ANKRD24: variants seen among roughly 807,000 people sequenced by gnomAD.
ANKRD24 encodes the protein ankyrin repeat domain-containing protein 24.
ANKRD24 carries 109 observed loss-of-function variants against 127.8 expected under a neutral mutation model. The ratio of observed to expected loss-of-function variants is 0.85; its 90% CI spans 0.73 to 1.00. ANKRD24 has a LOEUF of 1.00. ANKRD24 is among the 50% of genes least tolerant of loss of function. The pLI is 0.00. For synonymous variants in ANKRD24, 743 were observed against 671.1 expected, an observed-to-expected ratio of 1.11 and a Z score of -1.66; for missense variants, 1,648 against 1,570.2, an observed-to-expected ratio of 1.05 and a Z score of -0.84.
intron 19 of ANKRD24, among the ~76,000 whole-genome samples, chr19:4,220,193 G>T (rs559896515): frequency 1.6e-4 from 25 of 152,156 alleles, no homozygotes; most frequent in African/African-American, 5.8e-4. Context: ...GGCTGGTCTC[G>T]AACTCCTGAG....
At chr19:4,223,093 G>T (rs146950615) in intron 20 of ANKRD24, among the ~76,000 whole-genome samples, 1 of 151,770 alleles carries the variant, frequency 6.6e-6, no homozygotes, top group South Asian at 2.1e-4. Context: ...TTACAGGCAC[G>T]CACCACCACA....
Position 4,217,202 on chromosome 19 carries a change from G to A in ANKRD24, c.2042G>A (p.Gly681Glu), listed in dbSNP as rs1970147845. The A allele has an allele frequency of 1.2e-6, 2 of 1,608,858 alleles. No homozygotes were observed. The highest frequency in any genetic ancestry group is 1.3e-5 in the African/African-American group (1 of 74,946). Residue 681 changes from glycine (G) to glutamate (E), a missense_variant, in exon 18 of 22, where the codon GGG becomes GAG. Coordinates refer to ENST00000318934, the MANE Select transcript of ANKRD24 (RefSeq NM_001393985.1). ...NMEATGSRATGMESTGVSATG... is the reference protein window; with the variant it reads ...NMEATGSRATEMESTGVSATG... Reference sequence around the variant, plus strand: ...GAGGCCACGGGCTCTAGGGCCACAGGGATGGAATCCACAGGAGTCAGTGCC... The same window carrying A: ...GAGGCCACGGGCTCTAGGGCCACAGAGATGGAATCCACAGGAGTCAGTGCC...
chr19:4,198,821 CAGAT>C lies in ANKRD24; in HGVS notation c.37-861_37-858del, dbSNP rs1252743518. 6.6e-6 allele frequency among the ~76,000 whole-genome samples: 1 copy of C among 152,104 alleles called. No individual in the cohort carries two copies. Among genetic ancestry groups the C allele is most frequent in the Non-Finnish European group, 1.5e-5 (1 of 68,022 alleles). ...CAGTTTTGGGAAAACATTTTGGAGACAGATGGGGTCATTGAGGGGACAACTTGGA... is the reference window on the plus strand; with the variant it reads ...CAGTTTTGGGAAAACATTTTGGAGACGGGGTCATTGAGGGGACAACTTGGA... On this transcript the variant is annotated intron_variant, in intron 2 of 21. Coordinates refer to ENST00000318934, the MANE Select transcript of ANKRD24 (RefSeq NM_001393985.1). The surrounding 1 kb of genome is among the most constrained non-coding windows in gnomAD (Gnocchi z 6.1).
rs764743451 is a variant in ANKRD24, at chr19:4,210,096, G to A, written c.909G>A (p.Lys303=). 6.2e-7 allele frequency: 1 copy of A among 1,612,628 alleles called. No homozygotes were observed. Among genetic ancestry groups the A allele is most frequent in the South Asian group, 1.1e-5 (1 of 90,776 alleles). The change falls in exon 12 of 22, where the codon AAG becomes AAA. Residue 303 remains lysine, a synonymous_variant. Coordinates refer to ENST00000318934, the MANE Select transcript of ANKRD24 (RefSeq NM_001393985.1). ...GCCATGGAAAGCAGGGGGCCCCCAA[G>A]AAGCGGAAGGCGCCTCCACCTCCCG... ...MSSHGKQGAP[K]KRKAPPPPAS...
chr19:4,212,445 C>G, intron 13 of ANKRD24, 30 bp from the exon 14 acceptor site: 1 of 1,572,988 alleles, frequency 6.4e-7, no homozygotes, highest in Non-Finnish European at 8.6e-7. Flanking sequence ...TTGCCCAGAT[C>G]CAAACCCCTG....
At chr19:4,207,473 C>G in intron 8 of ANKRD24, 28 bp from the exon 9 acceptor site, 1 of 1,605,966 alleles carries the variant, frequency 6.2e-7, no homozygotes, top group Non-Finnish European at 8.5e-7. Context: ...GTTTCTCATG[C>G]CATCGCATCC....
intron 2 of ANKRD24, among the ~76,000 whole-genome samples, chr19:4,193,846 A>AGGGAG (rs113209299): frequency 0.012 from 616 of 51,516 alleles, 51 homozygotes; most frequent in African/African-American, 0.018. Flanking sequence ...GGAGGGAGGG[A>AGGGAG]GGAAGGAAGG....
At chr19:4,189,139 A>T (rs1304243588) in intron 2 of ANKRD24, among the ~76,000 whole-genome samples, 1 of 151,170 alleles carries the variant, frequency 6.6e-6, no homozygotes, top group Non-Finnish European at 1.5e-5. Flanking sequence ...ACTATTTATT[A>T]ATTATCATGT....
rs781160387 is a variant in ANKRD24 at position 4,216,765 on chromosome 19, G to A, written c.1605G>A (p.Thr535=). 1.3e-5 allele frequency: 21 copies of A among 1,588,870 alleles called. 1 individual carries two copies. The highest frequency in any genetic ancestry group is 9.4e-5 in the African/African-American group (7 of 74,200). Residue 535 remains threonine, a synonymous_variant, in exon 18 of 22, where the codon ACG becomes ACA. Transcript: ENST00000318934. ...GGGAGAGTGAGGTTGCTGGAGCCAC[G>A]GCCACCAAAAACGGGCCAACCCACA... ...ACGESEVAGA[T]ATKNGPTHME...
At chr19:4,197,983 G>T (rs75253620) in intron 2 of ANKRD24, among the ~76,000 whole-genome samples, 2 of 152,374 alleles carry the variant, frequency 1.3e-5, no homozygotes, top group East Asian at 3.9e-4. Flanking sequence ...ACGAATGGGC[G>T]AACGAATGAA....
chr19:4,212,028 G>A (rs1416647170), intron 13 of ANKRD24, among the ~76,000 whole-genome samples: 5 of 151,932 alleles, frequency 3.3e-5, no homozygotes, highest in African/African-American at 4.8e-5. Context: ...GTGAAACCCC[G>A]TCTCTACTAA....
In ANKRD24 at chr19:4,195,435, GC is replaced by G. The variant is rs1442395383; in HGVS notation, c.37-4245del. 3.9e-5 allele frequency among the ~76,000 whole-genome samples: 6 copies of G among 152,146 alleles called. No homozygotes were observed. The highest frequency in any genetic ancestry group is 2.1e-4 in the South Asian group (1 of 4,836). ...GTGTAGGAGACAGTTGGAAACTGAAGCCCTGAGCTGGGAGATCCGTTTCGGT... is the reference window on the plus strand; with the variant it reads ...GTGTAGGAGACAGTTGGAAACTGAAGCCTGAGCTGGGAGATCCGTTTCGGT... On this transcript the variant is annotated intron_variant, in intron 2 of 21. Coordinates refer to ENST00000318934, the MANE Select transcript of ANKRD24 (RefSeq NM_001393985.1). The surrounding 1 kb of genome is among the most constrained non-coding windows in gnomAD (Gnocchi z 4.2).
chr19:4,203,613 T>C (rs1969218194), intron 7 of ANKRD24, among the ~76,000 whole-genome samples: 1 of 152,248 alleles, frequency 6.6e-6, no homozygotes, highest in East Asian at 1.9e-4. Context: ...CCACTCAAAG[T>C]GCTGGAATTA....
chr19:4,204,417 G>A (rs1286364844), intron 7 of ANKRD24, among the ~76,000 whole-genome samples: 1 of 152,114 alleles, frequency 6.6e-6, no homozygotes, highest in Non-Finnish European at 1.5e-5. Context: ...AAATCGTAGG[G>A]AATCCAGGTC....
At chr19:4,213,664 C>T (rs1945871580) in intron 15 of ANKRD24, among the ~76,000 whole-genome samples, 1 of 151,692 alleles carries the variant, frequency 6.6e-6, no homozygotes, top group Non-Finnish European at 1.5e-5. Flanking sequence ...GAGTTTCACT[C>T]TTGTTGCCCA....
chr19:4,185,213 G>T (rs1967994544), intron 1 of ANKRD24, among the ~76,000 whole-genome samples: 1 of 149,806 alleles, frequency 6.7e-6, no homozygotes. Flanking sequence ...GTGGGAGTTG[G>T]TAGGTGTTTG....
At position 4,216,023 on chromosome 19, in the gene ANKRD24, G is replaced by T. The variant is rs570364976; in HGVS notation, c.1243G>T (p.Glu415Ter). 1.2e-5 allele frequency: 19 copies of T among 1,600,562 alleles called. No homozygotes were observed. The highest frequency in any genetic ancestry group is 1.4e-5 in the Non-Finnish European group (17 of 1,174,194). Residue 415 changes from glutamate to a stop codon, truncating the protein, a stop_gained, in exon 16 of 22, where the codon GAG becomes TAG. Transcript: ENST00000318934. LOFTEE classifies it high-confidence loss of function. The part of the protein sequence containing the change: ...TSYDVTTLQD[E>*]EGELPDLPGA... ...CTATGACGTAACCACCCTGCAGGATGAGGAGGGTGAGCTGCCTGACCTTCC... is the reference window on the plus strand; with the variant it reads ...CTATGACGTAACCACCCTGCAGGATTAGGAGGGTGAGCTGCCTGACCTTCC...
At chr19:4,215,602 G>GCA (rs574440921) in intron 15 of ANKRD24, among the ~76,000 whole-genome samples, 1 of 135,458 alleles carries the variant, frequency 7.4e-6, no homozygotes, top group African/African-American at 2.8e-5. Flanking sequence ...CCGCATCTCT[G>GCA]AAAAAAAAAA....
At chr19:4,184,409 C>A (rs927373043) in intron 1 of ANKRD24, among the ~76,000 whole-genome samples, 24 of 152,318 alleles carry the variant, frequency 1.6e-4, no homozygotes, top group Admixed American at 2.6e-4. Flanking sequence ...GTGCTGAGTC[C>A]TAGCCAGGCT....
Sources: gnomAD v4.1 joint callset for allele counts (sites outside exome capture counted in the v4.1 genomes callset) on GRCh38, gnomAD v4.1.1 for gene constraint, Gnocchi (gnomAD v3.1) non-coding constraint, MANE v1.5 for transcripts, NCBI Gene and HGNC (gene_info 2026-07-23, HGNC 2026-07-21) for gene names.